TRIM59: variants seen among roughly 807,000 people sequenced by gnomAD.
TRIM59 encodes the protein tripartite motif containing 59, also known as tripartite motif-containing protein 59.
A neutral mutation model predicts 32.2 loss-of-function variants in TRIM59; 14 were observed. The ratio of observed to expected loss-of-function variants is 0.43; its 90% CI spans 0.29 to 0.68. The LOEUF (loss-of-function observed/expected upper bound fraction) is 0.68. Ranked by LOEUF, TRIM59 falls within the 30% of genes least tolerant of loss-of-function variation. TRIM59 has a pLI of 0.15. For missense variants in TRIM59, 471 were observed against 463.3 expected (o/e 1.02, Z -0.15); for synonymous variants, 163 against 155.1 (o/e 1.05, Z -0.38).
chr3:160,441,673 C>G (rs530770412), intron 2 of TRIM59, among the ~76,000 whole-genome samples: 26 of 146,142 alleles, frequency 1.8e-4, no homozygotes, highest in African/African-American at 6.6e-4. Flanking sequence ...AGAATGGCGT[C>G]AACCCGGGAG....
In TRIM59 at chr3:160,448,815, A is replaced by T; in HGVS notation, c.-73-20T>A. On this transcript the variant is annotated intron_variant, in intron 1 of 2. Transcript: ENST00000309784. ...CTTATTCTAAAATTAAAATAATGTT[A>T]TCTTTAATGTTTTCAATTTATTGTC... 8.6e-7 allele frequency: 1 copy of T among 1,166,214 alleles called. No homozygotes were observed. The highest frequency in any genetic ancestry group is 1.1e-6 in the Non-Finnish European group (1 of 896,300). The allele number at this position is 1,166,214 out of a possible 1,614,324, so 72.2% of individuals were successfully genotyped here. A position where few individuals can be genotyped will look rare whatever the true frequency, so the allele number is the denominator to read the frequency against.
At chr3:160,447,153 A>G (rs1719581207) in intron 2 of TRIM59, among the ~76,000 whole-genome samples, 1 of 152,216 alleles carries the variant, frequency 6.6e-6, no homozygotes, top group Non-Finnish European at 1.5e-5. Flanking sequence ...AATAAAAAAA[A>G]AACTTTAAAA....
At chr3:160,448,873 CTT>C in intron 1 of TRIM59, 78 bp from the exon 2 acceptor site, 2 of 756,180 alleles carry the variant, frequency 2.6e-6, no homozygotes, top group Non-Finnish European at 3.7e-6. Flanking sequence ...AGTTCACTGT[CTT>C]TGATATTTAT....
rs370584683 is a variant in TRIM59, at chr3:160,438,007, A to C, written c.1177T>G (p.Leu393Val). The stretch of plus-strand genomic sequence containing the variant: ...ACTATTTTCCACACAAATTCCTTCA[A>C]CAAATAGAAAATGTGACACAGTATA... ...KNILCHIFYL[L>V]KEFVWKIVSH Residue 393 changes from leucine (L) to valine (V), a missense_variant, in exon 3 of 3, where the codon TTG (leucine) becomes GTG (valine). Transcript: ENST00000309784. 1 of 1,559,648 alleles carries C rather than the reference A, an allele frequency of 6.4e-7. No homozygotes were observed. Among genetic ancestry groups the C allele is most frequent in the Non-Finnish European group, 8.6e-7 (1 of 1,159,418 alleles).
chr3:160,449,769 G>C lies in TRIM59; in HGVS notation c.-126C>G, dbSNP rs565045270. 1.0e-3 allele frequency: 1,301 copies of C among 1,278,104 alleles called. 1 individual carries two copies. The highest frequency in any genetic ancestry group is 1.3e-3 in the Non-Finnish European group (1,248 of 978,200). The allele number at this position is 1,278,104 out of a possible 1,614,324, so 79.2% of individuals were successfully genotyped here. A position where few individuals can be genotyped will look rare whatever the true frequency, so the allele number is the denominator to read the frequency against. On this transcript the variant is annotated 5_prime_UTR_variant, in exon 1 of 3. Transcript: ENST00000309784. ...CCACAGCACGGAAACACAGCGCCAC[G>C]AGCTCCAGGCGGATGCTGAGAGCCG...
At chr3:160,445,626 T>C (rs1719487624) in intron 2 of TRIM59, among the ~76,000 whole-genome samples, 1 of 150,658 alleles carries the variant, frequency 6.6e-6, no homozygotes, top group Non-Finnish European at 1.5e-5. Flanking sequence ...ATACAAAAAT[T>C]AGCTGGGCAG....
At chr3:160,442,651 T>G (rs1719316011) in intron 2 of TRIM59, among the ~76,000 whole-genome samples, 1 of 152,204 alleles carries the variant, frequency 6.6e-6, no homozygotes. Context: ...AGACAAAAAT[T>G]TGTGGATAAC....
Position 160,449,705 on chromosome 3 carries a change from C to A in TRIM59, c.-74+12G>T. On this transcript the variant is annotated intron_variant, in intron 1 of 2. Coordinates refer to ENST00000309784, the MANE Select transcript of TRIM59 (RefSeq NM_173084.3). The stretch of plus-strand genomic sequence containing the variant: ...CCACCTTCTCCGCATCCGTAAAGGT[C>A]CTTAGACTCACCGCGGGGAGGAAGC... 1.6e-6 allele frequency: 2 copies of A among 1,289,028 alleles called. No individual in the cohort carries two copies. Among genetic ancestry groups the A allele is most frequent in the Non-Finnish European group, 2.0e-6 (2 of 988,052 alleles). 79.8% of individuals were successfully genotyped at this position (1,289,028 alleles called of 1,614,324 possible).
intron 2 of TRIM59, among the ~76,000 whole-genome samples, chr3:160,446,119 GTTCT>G (rs1192678146): frequency 3.9e-5 from 6 of 152,004 alleles, no homozygotes; most frequent in Admixed American, 6.6e-5. Flanking sequence ...CTAAGAATTG[GTTCT>G]TTAAGTAAAT....
In TRIM59 at chr3:160,437,802, A is replaced by T. The variant is rs1719053975; in HGVS notation, c.*170T>A. ...TGTTTCCCAAAGATTTGACTATTTC[A>T]GATATAACTTTGACATATCATTGCT... is the stretch of plus-strand genomic sequence containing the variant. On this transcript the variant is annotated 3_prime_UTR_variant, in exon 3 of 3. Coordinates refer to ENST00000309784, the MANE Select transcript of TRIM59 (RefSeq NM_173084.3). 4.0e-6 allele frequency: 5 copies of T among 1,258,002 alleles called. No individual in the cohort carries two copies. Among genetic ancestry groups the T allele is most frequent in the Non-Finnish European group, 5.0e-6 (5 of 1,003,842 alleles). The allele number at this position is 1,258,002 out of a possible 1,614,324, so 77.9% of individuals were successfully genotyped here.
intron 2 of TRIM59, among the ~76,000 whole-genome samples, chr3:160,440,043 G>A (rs1407230821): frequency 1.3e-5 from 2 of 152,088 alleles, no homozygotes; most frequent in Non-Finnish European, 2.9e-5. Flanking sequence ...CTCAATAATG[G>A]TTTCTAAAGC....
At position 160,448,810 on chromosome 3, in the gene TRIM59, A is replaced by C; in HGVS notation, c.-73-15T>G. The C allele has an allele frequency of 8.3e-7, 1 of 1,198,776 alleles. No homozygotes were observed. Among genetic ancestry groups the C allele is most frequent in the Non-Finnish European group, 1.1e-6 (1 of 922,566 alleles). 74.3% of individuals were successfully genotyped at this position (1,198,776 alleles called of 1,614,324 possible). A position where few individuals can be genotyped will look rare whatever the true frequency, so the allele number is the denominator to read the frequency against. Reference sequence around the variant, plus strand: ...TTATTCTTATTCTAAAATTAAAATAATGTTATCTTTAATGTTTTCAATTTA... The same window carrying C: ...TTATTCTTATTCTAAAATTAAAATACTGTTATCTTTAATGTTTTCAATTTA... On this transcript the variant is annotated splice_polypyrimidine_tract_variant and intron_variant, in intron 1 of 2. Coordinates refer to ENST00000309784, the MANE Select transcript of TRIM59 (RefSeq NM_173084.3).
rs149361382 is a variant in TRIM59, at chr3:160,440,845, C to T, written c.-3-1659G>A. Among the ~76,000 whole-genome samples, 882 of 151,976 alleles carry T rather than the reference C, an allele frequency of 5.8e-3. 4 individuals carry two copies. The highest frequency in any genetic ancestry group is 7.9e-3 in the Non-Finnish European group (537 of 67,950). On this transcript the variant is annotated intron_variant, in intron 2 of 2. Transcript: ENST00000309784. ...AGAATTGCTTGAACTCAGTAGGTGG[C>T]GGTTGCAGTGAGCCAAGATTACACC...
rs1398636225 is a variant in TRIM59, at chr3:160,441,934, G to A, written c.-3-2748C>T. ...TGACATTCACTGCAGATAAATTCAAGTGAGTGCATGCTGGCAAGACTTTAC... is the reference window on the plus strand; with the variant it reads ...TGACATTCACTGCAGATAAATTCAAATGAGTGCATGCTGGCAAGACTTTAC... On this transcript the variant is annotated intron_variant, in intron 2 of 2. Transcript: ENST00000309784. Among the ~76,000 whole-genome samples, 3 of 152,078 alleles carry A rather than the reference G, an allele frequency of 2.0e-5. No individual in the cohort carries two copies. The East Asian group carries it at 5.8e-4, about 29-fold the overall frequency.
In TRIM59 at chr3:160,436,269, G is replaced by C. The variant is rs1718939746; in HGVS notation, c.*1703C>G. ...ATGATAGTTTATGTGCAATCTGTAG[G>C]GCCAGGAGCATAGTCTAATCTGACC... On this transcript the variant is annotated 3_prime_UTR_variant, in exon 3 of 3. Coordinates refer to ENST00000309784, the MANE Select transcript of TRIM59 (RefSeq NM_173084.3). 2 of 990,078 alleles carry C rather than the reference G, an allele frequency of 2.0e-6. No homozygotes were observed. Among genetic ancestry groups the C allele is most frequent in the Non-Finnish European group, 2.4e-6 (2 of 832,828 alleles). 61.3% of individuals were successfully genotyped at this position (990,078 alleles called of 1,614,324 possible).
intron 2 of TRIM59, among the ~76,000 whole-genome samples, chr3:160,446,456 G>A (rs1420072185): frequency 6.6e-6 from 1 of 151,420 alleles, no homozygotes; most frequent in Non-Finnish European, 1.5e-5. Flanking sequence ...GTTCTTTCCA[G>A]AAATACAAAG....
intron 1 of TRIM59, 184 bp downstream of exon 1, chr3:160,449,533 A>G: frequency 1.6e-6 from 2 of 1,252,270 alleles, no homozygotes; most frequent in African/African-American, 3.1e-5. Flanking sequence ...GAGGGACGGG[A>G]AAGTGGCTCC....
At chr3:160,446,117 T>A (rs1719516802) in intron 2 of TRIM59, among the ~76,000 whole-genome samples, 1 of 152,090 alleles carries the variant, frequency 6.6e-6, no homozygotes, top group South Asian at 2.1e-4. Context: ...GTCTAAGAAT[T>A]GGTTCTTTAA....
In TRIM59 at chr3:160,436,446, G is replaced by A; in HGVS notation, c.*1526C>T. The stretch of plus-strand genomic sequence containing the variant: ...CACATGCATCATAACTCCAGTCCCT[G>A]TTAAAGGGAACTAAAGGGCTTTGAT... On this transcript the variant is annotated 3_prime_UTR_variant, in exon 3 of 3. Coordinates refer to ENST00000309784, the MANE Select transcript of TRIM59 (RefSeq NM_173084.3). 1 of 985,850 alleles carries A rather than the reference G, an allele frequency of 1.0e-6. No individual in the cohort carries two copies. Among genetic ancestry groups the A allele is most frequent in the Non-Finnish European group, 1.2e-6 (1 of 829,932 alleles). The allele number at this position is 985,850 out of a possible 1,614,324, so 61.1% of individuals were successfully genotyped here. A position where few individuals can be genotyped will look rare whatever the true frequency, so the allele number is the denominator to read the frequency against.
Sources: allele counts gnomAD v4.1 joint callset (sites outside exome capture counted in the v4.1 genomes callset), GRCh38; gene constraint gnomAD v4.1.1; transcripts MANE v1.5; gene names NCBI Gene and HGNC (gene_info 2026-07-23, HGNC 2026-07-21).